The following ADGRF5 variants were observed in gnomAD, a reference collection of about 807,000 sequenced individuals.
ADGRF5 encodes the protein G-protein coupled receptor 116.
ADGRF5 carries 75 observed loss-of-function variants against 132.3 expected under a neutral mutation model. The observed-to-expected ratio is 0.57, with a 90% confidence interval of 0.47 to 0.69. ADGRF5 has a LOEUF of 0.69. Among genes scored for constraint, ADGRF5 ranks in the 30% least tolerant of loss-of-function variants. The pLI, the probability that ADGRF5 is intolerant of heterozygous loss-of-function variation, is 0.00. For synonymous variants in ADGRF5, 629 were observed against 597.6 expected (o/e 1.05, Z -0.77); for missense variants, 1,516 against 1,630.6 (o/e 0.93, Z 1.21).
chr6:46,875,029 G>A (rs1350699599), intron 10 of ADGRF5, among the ~76,000 whole-genome samples: 1 of 152,180 alleles, frequency 6.6e-6, no homozygotes, highest in Non-Finnish European at 1.5e-5. Context: ...ACTTGCATTA[G>A]ACAGCCATGC....
At position 46,871,995 on chromosome 6, in the gene ADGRF5, A is replaced by G. The variant is rs529478478; in HGVS notation, c.1259T>C (p.Ile420Thr). ...GGTGTATCTGCTGCAGCTAGAATCT[A>G]TGTCTGTCTCAGGGGTTCCTATAAT... is the stretch of plus-strand genomic sequence containing the variant. ...INIPGTPETD[I>T]DSSCSRYTLK... Residue 420 changes from isoleucine (I) to threonine (T), a missense_variant, in exon 11 of 21, where the codon ATA becomes ACA. Ile to Thr is a moderately conservative substitution (Grantham distance 89, BLOSUM62 -1). This residue lies in a region of ADGRF5 where 945 missense variants were observed against 929.4 expected (regional missense o/e 1.02). Coordinates refer to ENST00000283296, the MANE Select transcript of ADGRF5 (RefSeq NM_001098518.2). The G allele has an allele frequency of 6.2e-7, 1 of 1,607,116 alleles. No individual in the cohort carries two copies. Among genetic ancestry groups the G allele is most frequent in the Non-Finnish European group, 8.5e-7 (1 of 1,175,054 alleles).
At chr6:46,889,802 A>G (rs1773464874) in intron 3 of ADGRF5, among the ~76,000 whole-genome samples, 2 of 148,740 alleles carry the variant, frequency 1.3e-5, no homozygotes, top group Non-Finnish European at 3.0e-5. Flanking sequence ...ATATATATAC[A>G]TAGTTTTCTA....
intron 1 of ADGRF5, among the ~76,000 whole-genome samples, chr6:46,910,467 T>C (rs1581970014): frequency 6.6e-6 from 1 of 152,264 alleles, no homozygotes; most frequent in East Asian, 1.9e-4. Context: ...ATTCTAGGTC[T>C]GCTGCTGAGC....
intron 9 of ADGRF5, 49 bp from the exon 10 acceptor site, chr6:46,878,454 T>G (rs1175975553): frequency 8.9e-7 from 1 of 1,129,720 alleles, no homozygotes; most frequent in Admixed American, 1.9e-5. Flanking sequence ...ATGTGTATTT[T>G]CTTAGAGGAA....
chr6:46,953,670 T>C (rs1172173797), intron 1 of ADGRF5, among the ~76,000 whole-genome samples: 2 of 133,254 alleles, frequency 1.5e-5, no homozygotes, highest in Admixed American at 7.3e-5. Context: ...TATATATATA[T>C]ATATATATAT....
chr6:46,917,721 T>C (rs1310254010), intron 1 of ADGRF5, among the ~76,000 whole-genome samples: 1 of 151,724 alleles, frequency 6.6e-6, no homozygotes, highest in Non-Finnish European at 1.5e-5. Context: ...CCTGTGTCCA[T>C]GTGTTCTCAT....
chr6:46,866,642 T>C (rs1770475307), intron 13 of ADGRF5, among the ~76,000 whole-genome samples: 1 of 152,048 alleles, frequency 6.6e-6, no homozygotes, highest in African/African-American at 2.4e-5. Flanking sequence ...TGTCAGAATA[T>C]CTAGTCTGCC....
intron 16 of ADGRF5, among the ~76,000 whole-genome samples, chr6:46,859,810 A>G (rs952243474): frequency 3.7e-5 from 2 of 53,604 alleles, no homozygotes; most frequent in African/African-American, 9.3e-5. Flanking sequence ...GCTGGCAGGG[A>G]TATTTACTAT....
chr6:46,878,456 T>G (rs771377671), intron 9 of ADGRF5, 51 bp from the exon 10 acceptor site: 1 of 1,104,006 alleles, frequency 9.1e-7, no homozygotes, highest in Non-Finnish European at 1.4e-6. Context: ...GTGTATTTTC[T>G]TAGAGGAATG....
At chr6:46,944,137 C>T (rs949404753) in intron 1 of ADGRF5, among the ~76,000 whole-genome samples, 1 of 152,168 alleles carries the variant, frequency 6.6e-6, no homozygotes, top group African/African-American at 2.4e-5. Flanking sequence ...TCATGGAAGA[C>T]AAGTTTTCTA....
At chr6:46,860,951 TC>T in intron 15 of ADGRF5, 57 bp from the exon 16 acceptor site, 1 of 1,357,522 alleles carries the variant, frequency 7.4e-7, no homozygotes, top group Non-Finnish European at 1.0e-6. Flanking sequence ...AGCTATCGAA[TC>T]CAGCTGATCC....
Position 46,899,661 on chromosome 6 carries a change from T to G in ADGRF5, c.157+368A>C, listed in dbSNP as rs575455700. On this transcript the variant is annotated intron_variant, in intron 3 of 20. Coordinates refer to ENST00000283296, the MANE Select transcript of ADGRF5 (RefSeq NM_001098518.2). The stretch of plus-strand genomic sequence containing the variant: ...TAAAGTCCTAAGTAAAAGAAGTTTT[T>G]TTTTTTGTTTGTTTTGTTTTTTTTT... 4.2e-3 allele frequency among the ~76,000 whole-genome samples: 539 copies of G among 127,330 alleles called. 4 individuals are homozygous for G. Among genetic ancestry groups the G allele is most frequent in the Middle Eastern group, 0.03 (8 of 266 alleles). The allele number at this position is 127,330 out of a possible 152,430, so 83.5% of individuals were successfully genotyped here. A position where few individuals can be genotyped will look rare whatever the true frequency, so the allele number is the denominator to read the frequency against.
At chr6:46,944,990 G>T (rs1160185350) in intron 1 of ADGRF5, among the ~76,000 whole-genome samples, 1 of 152,196 alleles carries the variant, frequency 6.6e-6, no homozygotes, top group Non-Finnish European at 1.5e-5. Context: ...CCATGGCTTT[G>T]AAAGAAGAGT....
chr6:46,899,832 C>G (rs936480693), intron 3 of ADGRF5, among the ~76,000 whole-genome samples, 197 bp downstream of exon 3: 1 of 151,788 alleles, frequency 6.6e-6, no homozygotes, highest in East Asian at 1.9e-4. Flanking sequence ...AGGGTTCTTA[C>G]GTGTTGTTAT....
intron 1 of ADGRF5, among the ~76,000 whole-genome samples, chr6:46,934,248 C>G (rs1433428226): frequency 2.0e-5 from 3 of 152,162 alleles, no homozygotes; most frequent in African/African-American, 7.2e-5. Context: ...CACATACACA[C>G]TCACACTTCT....
rs1381059877 is a variant in ADGRF5 at position 46,883,632 on chromosome 6, A to G, written c.539T>C (p.Val180Ala). Residue 180 changes from valine (V) to alanine (A), a missense_variant, in exon 6 of 21, where the codon GTA becomes GCA. This residue lies in a region of ADGRF5 where 945 missense variants were observed against 929.4 expected (regional missense o/e 1.02). Coordinates refer to ENST00000283296, the MANE Select transcript of ADGRF5 (RefSeq NM_001098518.2). ...GTTCATGAGGTCTTCTTGAAAGCCT[A>G]CATTTAGTCTGACTCTCATGTTCAG... ...VTLNMRVRLN[V>A]GFQEDLMNTS... is the part of the protein sequence containing the mutation. 5 of 1,601,878 alleles carry G rather than the reference A, an allele frequency of 3.1e-6. No individual in the cohort carries two copies. In the South Asian group the frequency reaches 4.5e-5, roughly 14 times the overall value.
chr6:46,948,042 G>A (rs55736363), intron 1 of ADGRF5, among the ~76,000 whole-genome samples: 12 of 151,972 alleles, frequency 7.9e-5, no homozygotes, highest in Non-Finnish European at 1.5e-4. Context: ...CATCTTTCAC[G>A]GAGACCCCCA....
intron 6 of ADGRF5, among the ~76,000 whole-genome samples, chr6:46,882,717 G>A (rs996293228): frequency 2.0e-5 from 3 of 152,360 alleles, no homozygotes; most frequent in South Asian, 4.1e-4. Context: ...TGTAGTGTGT[G>A]TGTGAGGAGG....
At chr6:46,920,631 G>A (rs1183497284) in intron 1 of ADGRF5, among the ~76,000 whole-genome samples, 1 of 152,094 alleles carries the variant, frequency 6.6e-6, no homozygotes, top group Non-Finnish European at 1.5e-5. Flanking sequence ...GGGAGGCCGA[G>A]GCAGGTGGAT....
Sources: gnomAD v4.1 joint callset for allele counts (sites outside exome capture counted in the v4.1 genomes callset) on GRCh38, gnomAD v4.1.1 for gene constraint, gnomAD v4.1.1 regional missense constraint, MANE v1.5 for transcripts, NCBI Gene and HGNC (gene_info 2026-07-23, HGNC 2026-07-21) for gene names.